Variants in TENM3 observed in about 807,000 individuals in gnomAD.
The protein encoded by TENM3 is teneurin-3.
TENM3 carries 63 observed loss-of-function variants against 255.1 expected under a neutral mutation model. That is an observed-to-expected ratio of 0.25 (90% CI 0.20 to 0.30). The LOEUF (loss-of-function observed/expected upper bound fraction) is 0.30. Among genes scored for constraint, TENM3 ranks in the 10% least tolerant of loss-of-function variants. The pLI is 1.00. For synonymous variants in TENM3, 1,306 were observed against 1,322.3 expected, an observed-to-expected ratio of 0.99 and a Z score of 0.27; for missense variants, 2,929 against 3,461.1, an observed-to-expected ratio of 0.85 and a Z score of 3.86.
chr4:181,903,503 G>A, the TENM3 span, among the ~76,000 whole-genome samples: 8 of 152,104 alleles, frequency 5.3e-5, no homozygotes, highest in South Asian at 4.1e-4. Context: ...TTCATTAGGC[G>A]ATACTCACCT....
intron 3 of TENM3, among the ~76,000 whole-genome samples, chr4:182,507,143 C>T (rs989321544): frequency 2.3e-5 from 3 of 129,040 alleles, no homozygotes; most frequent in Non-Finnish European, 3.5e-5. Context: ...TAGGTTATCA[C>T]TAAGGAAAAA....
the TENM3 span, among the ~76,000 whole-genome samples, chr4:181,530,372 T>G: frequency 6.6e-6 from 1 of 152,214 alleles, no homozygotes; most frequent in Non-Finnish European, 1.5e-5. Context: ...CGCGTGGAGG[T>G]GGCCAGCCTT....
intron 3 of TENM3, among the ~76,000 whole-genome samples, chr4:182,531,145 G>A (rs925990003): frequency 3.3e-5 from 5 of 152,130 alleles, no homozygotes; most frequent in African/African-American, 4.8e-5. Context: ...CTGTGCTATC[G>A]TGGAAATCAA....
At chr4:182,678,153 A>C (rs934448936) in intron 7 of TENM3, among the ~76,000 whole-genome samples, 5 of 152,308 alleles carry the variant, frequency 3.3e-5, no homozygotes, top group African/African-American at 1.2e-4. Context: ...TAACAATTGT[A>C]ATCTAAAAAA....
the TENM3 span, among the ~76,000 whole-genome samples, chr4:181,591,436 C>G: frequency 6.6e-6 from 1 of 152,190 alleles, no homozygotes; most frequent in African/African-American, 2.4e-5. Context: ...ATGTTCATAG[C>G]AGTTTTTTAT....
intron 1 of TENM3, among the ~76,000 whole-genome samples, chr4:182,297,624 A>G (rs1265064913): frequency 6.6e-6 from 1 of 152,222 alleles, no homozygotes; most frequent in African/African-American, 2.4e-5. Context: ...TTCCAGGACC[A>G]TGTATTAACC....
the TENM3 span, among the ~76,000 whole-genome samples, chr4:181,517,971 C>A: frequency 6.6e-6 from 1 of 152,126 alleles, no homozygotes; most frequent in Admixed American, 6.5e-5. Flanking sequence ...CCAAGCAAAT[C>A]AGACGGAGGG....
intron 1 of TENM3, among the ~76,000 whole-genome samples, chr4:182,153,422 A>G (rs1483124878): frequency 6.6e-6 from 1 of 152,110 alleles, no homozygotes; most frequent in Non-Finnish European, 1.5e-5. Context: ...AGATACATCA[A>G]TTCTTGGTTT....
At chr4:181,807,618 G>A in the TENM3 span, among the ~76,000 whole-genome samples, 1,353 of 152,298 alleles carry the variant, frequency 8.9e-3, 21 homozygotes, top group African/African-American at 0.031. Flanking sequence ...CTCCCAAAGT[G>A]CTGGAATTGC....
the TENM3 span, among the ~76,000 whole-genome samples, chr4:182,066,771 C>A: frequency 3.3e-5 from 5 of 151,770 alleles, no homozygotes; most frequent in Non-Finnish European, 5.9e-5. Context: ...ATTAGCCGGG[C>A]GTGGTGGCAG....
intron 3 of TENM3, among the ~76,000 whole-genome samples, chr4:182,509,801 G>A (rs1368962826): frequency 6.6e-6 from 1 of 152,066 alleles, no homozygotes; most frequent in African/African-American, 2.4e-5. Context: ...GCTGGGGGTG[G>A]TGGCGCATGC....
At chr4:182,008,379 G>A in the TENM3 span, among the ~76,000 whole-genome samples, 1 of 151,896 alleles carries the variant, frequency 6.6e-6, no homozygotes, top group African/African-American at 2.4e-5. Flanking sequence ...CCAATCAATC[G>A]TAGGTTCGAT....
At chr4:181,685,980 C>T in the TENM3 span, among the ~76,000 whole-genome samples, 10 of 152,060 alleles carry the variant, frequency 6.6e-5, no homozygotes, top group South Asian at 1.5e-3. Flanking sequence ...TTTTAGCCAT[C>T]GAAGGTGTTT....
chr4:182,773,545 G>A lies in TENM3; in HGVS notation c.4966G>A (p.Asp1656Asn). 1.2e-6 allele frequency: 2 copies of A among 1,613,874 alleles called. No individual in the cohort carries two copies. Among genetic ancestry groups the A allele is most frequent in the Non-Finnish European group, 1.7e-6 (2 of 1,179,842 alleles). ...GVVTNLHGDM[D>N]KAITVDIESS... is the part of the protein sequence containing the mutation. ...GGTCACAAACCTGCATGGGGACATG[G>A]ACAAGGCTATCACAGTGGACATTGA... Residue 1656 changes from aspartate (D) to asparagine (N), a missense_variant, in exon 23 of 28, where the codon GAC becomes AAC. By Grantham distance (23) the Asp-to-Asn change is conservative. Around this residue, in one of 6 missense-constraint regions of TENM3, gnomAD observed 1,608 missense variants for 1,884.4 expected, o/e 0.85. Transcript: ENST00000511685.
chr4:182,162,010 A>G (rs1265345060), intron 1 of TENM3, among the ~76,000 whole-genome samples: 1 of 135,508 alleles, frequency 7.4e-6, no homozygotes, highest in East Asian at 2.2e-4. Flanking sequence ...GCAAACATAC[A>G]TCCACTAATG....
chr4:182,387,954 A>G (rs1441708440), intron 3 of TENM3, among the ~76,000 whole-genome samples: 3 of 126,352 alleles, frequency 2.4e-5, no homozygotes, highest in Non-Finnish European at 3.5e-5. Context: ...AAAAAAAAAA[A>G]CCAACAAACG....
At chr4:181,474,405 T>C in the TENM3 span, among the ~76,000 whole-genome samples, 2 of 152,070 alleles carry the variant, frequency 1.3e-5, no homozygotes, top group African/African-American at 4.8e-5. Context: ...AATGAATATA[T>C]ATTGAATGGG....
intron 3 of TENM3, among the ~76,000 whole-genome samples, chr4:182,428,526 T>C (rs1379653773): frequency 6.6e-6 from 1 of 151,504 alleles, no homozygotes; most frequent in Non-Finnish European, 1.5e-5. Flanking sequence ...GCCAGATCAT[T>C]TTATGGATGC....
chr4:181,766,684 A>C, the TENM3 span, among the ~76,000 whole-genome samples: 2 of 152,232 alleles, frequency 1.3e-5, no homozygotes, highest in Admixed American at 6.5e-5. Context: ...AAGGAAAACC[A>C]CACAAACACT....
Sources: gnomAD v4.1 joint callset for allele counts (sites outside exome capture counted in the v4.1 genomes callset) on GRCh38, gnomAD v4.1.1 for gene constraint, gnomAD v4.1.1 regional missense constraint, MANE v1.5 for transcripts, NCBI Gene and HGNC (gene_info 2026-07-23, HGNC 2026-07-21) for gene names.